Variants in MSRA observed in about 807,000 individuals in gnomAD.
The protein encoded by MSRA is methionine sulfoxide reductase A.
MSRA carries 54 observed loss-of-function variants against 31.3 expected under a neutral mutation model. The observed-to-expected ratio is 1.73, with a 90% CI of 1.39 to 2.17. The LOEUF (loss-of-function observed/expected upper bound fraction) is 2.17. Ranked by LOEUF, MSRA falls within the 30% of genes most tolerant of loss-of-function variation. MSRA has a pLI of 0.00. For synonymous variants in MSRA, 169 were observed against 116.5 expected, an observed-to-expected ratio of 1.45 and a Z score of -2.90; for missense variants, 507 against 300.9, an observed-to-expected ratio of 1.69 and a Z score of -5.07.
chr8:10,277,089 A>G (rs987584812), intron 3 of MSRA, among the ~76,000 whole-genome samples: 1 of 152,248 alleles, frequency 6.6e-6, no homozygotes, highest in Non-Finnish European at 1.5e-5. Context: ...TTTTAATAAT[A>G]ACAGCAGTGG....
intron 3 of MSRA, chr8:10,250,479 C>T (rs1019960534): frequency 1.9e-5 from 13 of 702,300 alleles, no homozygotes; most frequent in African/African-American, 1.4e-4. Flanking sequence ...GAAATCTGCA[C>T]AGCCAAGTGG....
rs78780217 is a variant in MSRA, at chr8:10,400,596, C to T, written c.544-27552C>T. Among the ~76,000 whole-genome samples the T allele has an allele frequency of 2.4e-4, 36 of 152,198 alleles. No individual in the cohort carries two copies. In the East Asian group the frequency reaches 6.4e-3, roughly 27 times the overall value. On this transcript the variant is annotated intron_variant, in intron 5 of 5. Coordinates refer to ENST00000317173, the MANE Select transcript of MSRA (RefSeq NM_012331.5). ...TGCCTTGAGGCTGTAACAAGCTGAC[C>T]GAGAGATGTAGGGCATGGAGGCTGT...
chr8:10,151,971 A>G (rs1803718493), intron 1 of MSRA, among the ~76,000 whole-genome samples: 1 of 152,196 alleles, frequency 6.6e-6, no homozygotes, highest in Non-Finnish European at 1.5e-5. Context: ...TTGGTTTATG[A>G]TGGCCAATTT....
In MSRA at chr8:10,284,761, T is replaced by A. The variant is rs190317365; in HGVS notation, c.332-16773T>A. 3.3e-3 allele frequency among the ~76,000 whole-genome samples: 496 copies of A among 152,242 alleles called. 22 individuals carry two copies. The highest frequency in any genetic ancestry group is 0.031 in the Admixed American group (473 of 15,280). On this transcript the variant is annotated intron_variant, in intron 3 of 5. Transcript: ENST00000317173. ...GATGGTGGCTGTGCCATGTAACCTCTCTGTGCCTAACTGTCCTCATCTGTA... is the reference window on the plus strand; with the variant it reads ...GATGGTGGCTGTGCCATGTAACCTCACTGTGCCTAACTGTCCTCATCTGTA...
chr8:10,088,835 C>A (rs994567495), intron 1 of MSRA, among the ~76,000 whole-genome samples: 3 of 152,148 alleles, frequency 2.0e-5, no homozygotes, highest in Non-Finnish European at 4.4e-5. Flanking sequence ...TTTGCCACAG[C>A]ACGGACGGAT....
At chr8:10,297,433 G>A (rs537918303) in intron 3 of MSRA, among the ~76,000 whole-genome samples, 5 of 152,340 alleles carry the variant, frequency 3.3e-5, no homozygotes, top group South Asian at 2.1e-4. Context: ...CTATGTGCGC[G>A]ATGTTATGTG....
chr8:10,269,673 CAG>C (rs1246783975), intron 3 of MSRA, among the ~76,000 whole-genome samples: 3 of 151,834 alleles, frequency 2.0e-5, no homozygotes, highest in Admixed American at 6.6e-5. Flanking sequence ...TTTTTTGAGA[CAG>C]AGTCTGGCTC....
At chr8:10,074,805 C>G (rs752411211) in intron 1 of MSRA, among the ~76,000 whole-genome samples, 2 of 152,078 alleles carry the variant, frequency 1.3e-5, no homozygotes, top group Non-Finnish European at 2.9e-5. Flanking sequence ...GTTACAGGCA[C>G]CTACCACCAT....
At chr8:10,423,882 G>A (rs1808964675) in intron 5 of MSRA, among the ~76,000 whole-genome samples, 1 of 152,160 alleles carries the variant, frequency 6.6e-6, no homozygotes. Flanking sequence ...ATCTCCAGGA[G>A]ATCCCAAGAA....
At chr8:10,395,694 A>T (rs993515193) in intron 5 of MSRA, among the ~76,000 whole-genome samples, 1 of 152,164 alleles carries the variant, frequency 6.6e-6, no homozygotes, top group Non-Finnish European at 1.5e-5. Context: ...CTGCACATCC[A>T]TTGACCCTGG....
chr8:10,301,532 A>T lies in MSRA; in HGVS notation c.332-2A>T. ...TCGGTTGTACGTTTTGTTTTTTCCAAGAAAAAACTGGCCATGCAGAAGTCG... is the reference window on the plus strand; with the variant it reads ...TCGGTTGTACGTTTTGTTTTTTCCATGAAAAAACTGGCCATGCAGAAGTCG... On this transcript the variant is annotated splice_acceptor_variant, in intron 3 of 5. Coordinates refer to ENST00000317173, the MANE Select transcript of MSRA (RefSeq NM_012331.5). LOFTEE classifies it high-confidence loss of function. 1 of 1,606,588 alleles carries T rather than the reference A, an allele frequency of 6.2e-7. No individual in the cohort carries two copies. The highest frequency in any genetic ancestry group is 8.5e-7 in the Non-Finnish European group (1 of 1,177,846).
At chr8:10,129,079 A>C (rs537585412) in intron 1 of MSRA, among the ~76,000 whole-genome samples, 1 of 152,178 alleles carries the variant, frequency 6.6e-6, no homozygotes, top group Non-Finnish European at 1.5e-5. Flanking sequence ...ATTTTATGCA[A>C]ATAGAGGCAG....
Position 10,392,538 on chromosome 8 carries a change from C to A in MSRA, c.544-35610C>A, listed in dbSNP as rs12541491. 2.0e-5 allele frequency among the ~76,000 whole-genome samples: 3 copies of A among 152,016 alleles called. No individual in the cohort carries two copies. The East Asian group carries it at 5.8e-4, about 30-fold the overall frequency. ...CTTCCTCTGTCTCTGGGGATCTGGC[C>A]GATGATGCTCTTTGTGTTGTCAGGA... On this transcript the variant is annotated intron_variant, in intron 5 of 5. Transcript: ENST00000317173.
chr8:10,278,620 C>T (rs1451996504), intron 3 of MSRA, among the ~76,000 whole-genome samples: 1 of 152,188 alleles, frequency 6.6e-6, no homozygotes, highest in Non-Finnish European at 1.5e-5. Context: ...TGCTCACATT[C>T]TTGGGAGACC....
intron 5 of MSRA, among the ~76,000 whole-genome samples, chr8:10,369,429 G>T (rs1287895144): frequency 6.6e-6 from 1 of 152,144 alleles, no homozygotes; most frequent in Non-Finnish European, 1.5e-5. Context: ...AATTTCAAAA[G>T]GAAATATAAT....
chr8:10,285,332 A>C (rs1378339941), intron 3 of MSRA, among the ~76,000 whole-genome samples: 1 of 151,978 alleles, frequency 6.6e-6, no homozygotes, highest in East Asian at 1.9e-4. Flanking sequence ...CATTTCCCTT[A>C]TTTTTTATTT....
At chr8:10,203,871 G>A (rs778557606) in intron 1 of MSRA, among the ~76,000 whole-genome samples, 9 of 152,140 alleles carry the variant, frequency 5.9e-5, no homozygotes, top group African/African-American at 7.2e-5. Context: ...TGTGGAGGGT[G>A]GAAGACAGTG....
intron 5 of MSRA, among the ~76,000 whole-genome samples, chr8:10,423,934 A>ATTT (rs1422950786): frequency 1.3e-5 from 2 of 151,750 alleles, no homozygotes; most frequent in African/African-American, 4.8e-5. Flanking sequence ...TTCATTCATT[A>ATTT]ATTGCACACA....
intron 5 of MSRA, among the ~76,000 whole-genome samples, chr8:10,390,011 T>C (rs1326604524): frequency 6.6e-6 from 1 of 152,114 alleles, no homozygotes; most frequent in Non-Finnish European, 1.5e-5. Context: ...CAGGTCAGAC[T>C]CTGCTTCTGC....
Sources: allele counts gnomAD v4.1 joint callset (sites outside exome capture counted in the v4.1 genomes callset), GRCh38; gene constraint gnomAD v4.1.1; transcripts MANE v1.5; gene names NCBI Gene and HGNC (gene_info 2026-07-23, HGNC 2026-07-21).